PALM2AKAP2: variants seen among roughly 807,000 people sequenced by gnomAD.
PALM2AKAP2 encodes the protein PALM2 and AKAP2 fusion, also known as PALM2-AKAP2 fusion protein.
In PALM2AKAP2, 37 loss-of-function variants were observed where a neutral mutation model predicts 71.5. The observed-to-expected ratio is 0.52, with a 90% CI of 0.40 to 0.68. PALM2AKAP2 has a LOEUF of 0.68. Among genes scored for constraint, PALM2AKAP2 ranks in the 30% least tolerant of loss-of-function variants. The probability of loss-of-function intolerance (pLI) is 0.00; values close to 1 mark genes in which losing one functional copy is unlikely to be tolerated. For missense variants in PALM2AKAP2, 1,224 were observed against 1,191.8 expected, an observed-to-expected ratio of 1.03 and a Z score of -0.40; for synonymous variants, 468 against 478.8, an observed-to-expected ratio of 0.98 and a Z score of 0.29.
chr9:110,165,329 C>T (rs998308249), intron 3 of PALM2AKAP2, among the ~76,000 whole-genome samples: 7 of 141,772 alleles, frequency 4.9e-5, no homozygotes, highest in African/African-American at 7.9e-5. Flanking sequence ...CACACACACA[C>T]GTCTGAATTA....
intron 1 of PALM2AKAP2, among the ~76,000 whole-genome samples, chr9:109,750,003 T>A (rs1828861281): frequency 6.6e-6 from 1 of 152,164 alleles, no homozygotes; most frequent in African/African-American, 2.4e-5. Context: ...TTCCCATGAG[T>A]GAACATCTGC....
intron 1 of PALM2AKAP2, among the ~76,000 whole-genome samples, chr9:109,766,397 T>C (rs897960166): frequency 6.6e-6 from 1 of 151,976 alleles, no homozygotes; most frequent in Non-Finnish European, 1.5e-5. Context: ...AAGGGAGGGG[T>C]AGAAGATTAA....
intron 2 of PALM2AKAP2, among the ~76,000 whole-genome samples, chr9:109,876,566 G>T (rs897702760): frequency 1.3e-5 from 2 of 152,086 alleles, no homozygotes; most frequent in African/African-American, 4.8e-5. Context: ...TGCAACATCT[G>T]CTTCCTGGGT....
intron 1 of PALM2AKAP2, among the ~76,000 whole-genome samples, chr9:109,802,937 G>A (rs1334249664): frequency 6.8e-6 from 1 of 147,792 alleles, no homozygotes; most frequent in Admixed American, 6.7e-5. Context: ...ATCAGGAAAG[G>A]TAGGAATCCG....
At chr9:109,799,095 G>A (rs1366045526) in intron 1 of PALM2AKAP2, among the ~76,000 whole-genome samples, 1 of 152,252 alleles carries the variant, frequency 6.6e-6, no homozygotes, top group Non-Finnish European at 1.5e-5. Flanking sequence ...AAGCAGCCTA[G>A]GTCTGGTGAG....
chr9:109,761,503 G>C (rs1043662460), intron 1 of PALM2AKAP2, among the ~76,000 whole-genome samples: 3 of 152,060 alleles, frequency 2.0e-5, no homozygotes, highest in African/African-American at 7.2e-5. Flanking sequence ...TTAGGTATTT[G>C]TCCTAATACT....
chr9:109,849,953 A>C (rs1316218769), intron 1 of PALM2AKAP2, among the ~76,000 whole-genome samples: 1 of 152,180 alleles, frequency 6.6e-6, no homozygotes, highest in Non-Finnish European at 1.5e-5. Flanking sequence ...ACTTCCCTGA[A>C]ATAAATGCTG....
chr9:109,913,645 T>G (rs534014473), intron 3 of PALM2AKAP2, among the ~76,000 whole-genome samples: 1 of 152,268 alleles, frequency 6.6e-6, no homozygotes, highest in African/African-American at 2.4e-5. Flanking sequence ...TCTAAGAGCA[T>G]TCCTTCAAAT....
upstream of PALM2AKAP2, among the ~76,000 whole-genome samples, chr9:109,775,880 T>G (rs1829341923): frequency 6.6e-6 from 1 of 152,224 alleles, no homozygotes; most frequent in African/African-American, 2.4e-5. Flanking sequence ...TAACAAAACA[T>G]CTATTTTGCA....
intron 1 of PALM2AKAP2, among the ~76,000 whole-genome samples, chr9:109,827,659 T>C (rs1333624086): frequency 6.6e-6 from 1 of 152,122 alleles, no homozygotes; most frequent in Admixed American, 6.5e-5. Flanking sequence ...ATCTACTGAA[T>C]GAGAATCCAT....
At chr9:109,648,646 G>A (rs1448905077) in intron 1 of PALM2AKAP2, among the ~76,000 whole-genome samples, 3 of 152,146 alleles carry the variant, frequency 2.0e-5, no homozygotes, top group Non-Finnish European at 4.4e-5. Flanking sequence ...CAAGGTGAGG[G>A]GATGAGACAT....
rs200342234 is a variant in PALM2AKAP2, at chr9:109,921,596, T to C, written c.258-2139T>C. ...TTCAGAGGGAAGCGATGTTATTTCC[T>C]GGCAGTGAAATCTGTGAACACCTCA... On this transcript the variant is annotated intron_variant, in intron 3 of 9. Transcript: ENST00000302798. 3.5e-4 allele frequency among the ~76,000 whole-genome samples: 54 copies of C among 152,356 alleles called. 1 individual carries two copies. The East Asian group carries it at 9.2e-3, about 26-fold the overall frequency.
chr9:109,847,068 C>T (rs1159903277), intron 1 of PALM2AKAP2, among the ~76,000 whole-genome samples: 3 of 152,152 alleles, frequency 2.0e-5, no homozygotes, highest in Admixed American at 1.3e-4. Flanking sequence ...ACAATGGCGC[C>T]CTAAAAGATA....
intron 7 of PALM2AKAP2, among the ~76,000 whole-genome samples, chr9:110,038,425 G>A (rs1833451927): frequency 6.6e-6 from 1 of 152,110 alleles, no homozygotes; most frequent in South Asian, 2.1e-4. Flanking sequence ...AATGAAGAAA[G>A]CAGTTTAAAT....
chr9:109,892,690 C>G (rs1830114051), intron 3 of PALM2AKAP2, among the ~76,000 whole-genome samples: 1 of 152,082 alleles, frequency 6.6e-6, no homozygotes, highest in South Asian at 2.1e-4. Flanking sequence ...GTAATACTTG[C>G]TGGGTTCAAG....
At chr9:109,830,723 G>T (rs573683680) in intron 1 of PALM2AKAP2, among the ~76,000 whole-genome samples, 17 of 152,276 alleles carry the variant, frequency 1.1e-4, no homozygotes, top group Admixed American at 5.2e-4. Flanking sequence ...TGATTTTAGT[G>T]TCTGCTTTAT....
At chr9:109,949,414 G>A (rs772036103) in intron 6 of PALM2AKAP2, among the ~76,000 whole-genome samples, 2 of 152,356 alleles carry the variant, frequency 1.3e-5, no homozygotes, top group Non-Finnish European at 2.9e-5. Flanking sequence ...TCGAAGATGA[G>A]TAGGATGATA....
chr9:109,733,597 A>G lies in PALM2AKAP2; in HGVS notation c.6-46891A>G, dbSNP rs80271008. Among the ~76,000 whole-genome samples the G allele has an allele frequency of 6.7e-4, 102 of 152,260 alleles. 2 individuals are homozygous for G. In the East Asian group the frequency reaches 0.018, roughly 27 times the overall value. ...GCCATCTCCTTGTTTATGGAATGAC[A>G]TTCAACCAGCCTGAGTTCCTTTCAA... On this transcript the variant is annotated intron_variant, in intron 1 of 6. Transcript: ENST00000374531.
At chr9:109,657,177 A>T (rs1827319272) in intron 1 of PALM2AKAP2, among the ~76,000 whole-genome samples, 1 of 152,258 alleles carries the variant, frequency 6.6e-6, no homozygotes, top group Middle Eastern at 3.2e-3. Context: ...TAAGAAAAAA[A>T]TTCTCAACCA....
Sources: gnomAD v4.1 joint callset for allele counts (sites outside exome capture counted in the v4.1 genomes callset) on GRCh38, gnomAD v4.1.1 for gene constraint, MANE v1.5 for transcripts, NCBI Gene and HGNC (gene_info 2026-07-23, HGNC 2026-07-21) for gene names.